ATM: variants seen among roughly 807,000 people sequenced by gnomAD.
ATM encodes the protein ATM serine/threonine kinase, also known as serine-protein kinase ATM.
A neutral mutation model predicts 387.0 loss-of-function variants in ATM; 308 were observed. The observed-to-expected ratio is 0.80, with a 90% CI of 0.73 to 0.87. The LOEUF is 0.87. Ranked by LOEUF, ATM falls within the 40% of genes least tolerant of loss-of-function variation. ATM has a pLI of 0.00. For missense variants in ATM, 3,312 were observed against 3,560.9 expected (o/e 0.93, Z 1.78); for synonymous variants, 1,156 against 1,187.3 (o/e 0.97, Z 0.54).
At chr11:108,354,942 G>GTCT in intron 61 of ATM, 68 bp downstream of exon 61, 1 of 1,292,408 alleles carries the variant, frequency 7.7e-7, no homozygotes, top group Non-Finnish European at 1.1e-6. Context: ...TCATCAGGAA[G>GTCT]TCACTGATGT....
At chr11:108,335,324 C>A (rs1170660147) in intron 55 of ATM, 1 of 1,432,366 alleles carries the variant, frequency 7.0e-7, no homozygotes, top group Non-Finnish European at 9.3e-7. Context: ...ATGGTTGATT[C>A]AAGTAAAAGA....
chr11:108,327,280 CT>C (rs200893749), intron 47 of ATM: 1 of 274,174 alleles, frequency 3.6e-6, no homozygotes, highest in East Asian at 9.2e-5. Flanking sequence ...AGTTACCCAA[CT>C]TCCTTGTACC....
chr11:108,326,040 A>G lies in ATM; in HGVS notation c.6808-18A>G. On this transcript the variant is annotated intron_variant, in intron 46 of 62. Coordinates refer to ENST00000675843, the MANE Select transcript of ATM (RefSeq NM_000051.4). ...CAGTAGTAAAAGTATTTATTCCCAT[A>G]TGTCATTTTCATTTCAGCTCCCTGA... 6.2e-7 allele frequency: 1 copy of G among 1,612,484 alleles called. No homozygotes were observed. Among genetic ancestry groups the G allele is most frequent in the Non-Finnish European group, 8.5e-7 (1 of 1,178,652 alleles).
rs184435728 is a variant in ATM at position 108,272,393 on chromosome 11, T to G, written c.3078-139T>G. 184 of 734,776 alleles carry G rather than the reference T, an allele frequency of 2.5e-4. 1 individual carries two copies. In the African/African-American group the frequency reaches 2.8e-3, roughly 11 times the overall value. 45.5% of individuals were successfully genotyped at this position (734,776 alleles called of 1,614,324 possible). On this transcript the variant is annotated intron_variant, in intron 20 of 62. Coordinates refer to ENST00000675843, the MANE Select transcript of ATM (RefSeq NM_000051.4). ...TTGAATTTTTGGCAAGGTGAGTATG[T>G]TGGCATATTCCACATAATGACAAAT... is the stretch of plus-strand genomic sequence containing the variant.
intron 22 of ATM, among the ~76,000 whole-genome samples, chr11:108,275,625 T>C (rs1206619549): frequency 6.6e-6 from 1 of 152,246 alleles, no homozygotes; most frequent in Non-Finnish European, 1.5e-5. Flanking sequence ...TTATGAAGCT[T>C]AGTTTGGCTG....
chr11:108,274,376 A>T (rs1342084587), intron 22 of ATM, among the ~76,000 whole-genome samples: 6 of 151,862 alleles, frequency 4.0e-5, no homozygotes, highest in African/African-American at 1.5e-4. Flanking sequence ...TCCTTCACTC[A>T]GCTCTGATCT....
At chr11:108,319,930 T>G in intron 43 of ATM, 24 bp from the exon 44 acceptor site, 1 of 1,536,422 alleles carries the variant, frequency 6.5e-7, no homozygotes, top group Non-Finnish European at 9.0e-7. Context: ...TTAAGTATAT[T>G]TTTTTCTTTG....
chr11:108,314,454 ATT>A lies in ATM; in HGVS notation c.6007-1357_6007-1356del, dbSNP rs10716099. On this transcript the variant is annotated intron_variant, in intron 40 of 62. Coordinates refer to ENST00000675843, the MANE Select transcript of ATM (RefSeq NM_000051.4). Reference sequence around the variant, plus strand: ...AAGATTGTTTGGTTTTGTTTGTGTGATTTTTTTTTTTTTATGTGATATAAGCC... The same window carrying A: ...AAGATTGTTTGGTTTTGTTTGTGTGATTTTTTTTTTTATGTGATATAAGCC... 5.7e-3 allele frequency among the ~76,000 whole-genome samples: 851 copies of A among 148,408 alleles called. 19 individuals carry two copies. The highest frequency in any genetic ancestry group is 5.2e-3 in the African/African-American group (210 of 40,358).
At chr11:108,349,368 T>A (rs544058562) in intron 59 of ATM, among the ~76,000 whole-genome samples, 1 of 151,242 alleles carries the variant, frequency 6.6e-6, no homozygotes, top group Admixed American at 6.6e-5. Context: ...ATGTGTAGAT[T>A]AAGAATGTGG....
chr11:108,256,218 A>AC lies in ATM; in HGVS notation c.2129dup (p.Asn711LysfsTer27), dbSNP rs2080472545. 1 of 1,603,762 alleles carries AC rather than the reference A, an allele frequency of 6.2e-7. No individual in the cohort carries two copies. The highest frequency in any genetic ancestry group is 8.5e-7 in the Non-Finnish European group (1 of 1,173,580). Reference sequence around the variant, plus strand: ...TTTATTTGTGGTTTACTTTAAGATTACAAATTCAGAAACTCTTGTCCGGTG... The same window carrying AC: ...TTTATTTGTGGTTTACTTTAAGATTACCAAATTCAGAAACTCTTGTCCGGTG... On this transcript the variant is annotated frameshift_variant, in exon 14 of 63. Coordinates refer to ENST00000675843, the MANE Select transcript of ATM (RefSeq NM_000051.4). LOFTEE classifies it high-confidence loss of function.
rs1057523056 is a variant in ATM at position 108,329,038 on chromosome 11, A to G, written c.7107A>G (p.Gly2369=). The stretch of plus-strand genomic sequence containing the variant: ...TCTTGAAGGCAGTAGAAGTTGCTGG[A>G]AATTATGATGGAGAAAGTAGTGATG... The part of the protein sequence containing the change: ...TYLEKAVEVA[G]NYDGESSDEL... The change falls in exon 49 of 63, where the codon GGA becomes GGG. Residue 2369 remains glycine (G), a synonymous_variant. Coordinates refer to ENST00000675843, the MANE Select transcript of ATM (RefSeq NM_000051.4). 1.2e-6 allele frequency: 2 copies of G among 1,614,092 alleles called. No homozygotes were observed. The highest frequency in any genetic ancestry group is 1.7e-6 in the Non-Finnish European group (2 of 1,179,976).
At chr11:108,238,261 A>T (rs920645362) in intron 5 of ATM, among the ~76,000 whole-genome samples, 3 of 151,804 alleles carry the variant, frequency 2.0e-5, no homozygotes, top group African/African-American at 7.3e-5. Flanking sequence ...TTAGTGTTTT[A>T]TAATTGTCAG....
chr11:108,260,519 T>C (rs900156963), intron 16 of ATM, among the ~76,000 whole-genome samples: 1 of 152,232 alleles, frequency 6.6e-6, no homozygotes, highest in African/African-American at 2.4e-5. Context: ...TTTTGATGGA[T>C]ATTGTCATTG....
chr11:108,327,978 TCCTC>T (rs1275285267), intron 48 of ATM, among the ~76,000 whole-genome samples: 1 of 152,196 alleles, frequency 6.6e-6, no homozygotes, highest in African/African-American at 2.4e-5. Context: ...TATCTCTTCT[TCCTC>T]CTTCCTACCT....
Position 108,244,059 on chromosome 11 carries a change from G to C in ATM, c.603G>C (p.Gln201His), listed in dbSNP as rs2135225401. Reference sequence around the variant, plus strand: ...CTGTTACCAAAGGATGCTGTTCTCAGACTGACGGATTAAATTCCAAATTTT... The same window carrying C: ...CTGTTACCAAAGGATGCTGTTCTCACACTGACGGATTAAATTCCAAATTTT... ...IHAVTKGCCS[Q>H]TDGLNSKFLD... Residue 201 changes from glutamine to histidine, a missense_variant, in exon 6 of 63, where the codon CAG (glutamine) becomes CAC (histidine). Coordinates refer to ENST00000675843, the MANE Select transcript of ATM (RefSeq NM_000051.4). 1 of 1,613,706 alleles carries C rather than the reference G, an allele frequency of 6.2e-7. No homozygotes were observed. The highest frequency in any genetic ancestry group is 1.1e-5 in the South Asian group (1 of 91,070).
intron 5 of ATM, among the ~76,000 whole-genome samples, chr11:108,236,861 A>G (rs922265699): frequency 1.3e-5 from 2 of 152,216 alleles, no homozygotes; most frequent in Non-Finnish European, 2.9e-5. Context: ...GTTGGTTTCA[A>G]AGATGGAGCA....
intron 61 of ATM, among the ~76,000 whole-genome samples, chr11:108,360,094 T>TA (rs1373096539): frequency 6.6e-6 from 1 of 150,814 alleles, no homozygotes; most frequent in African/African-American, 2.4e-5. Flanking sequence ...ATAGACACAA[T>TA]AAAAAATGAT....
At chr11:108,339,692 A>G (rs961711623) in intron 56 of ATM, among the ~76,000 whole-genome samples, 4 of 152,130 alleles carry the variant, frequency 2.6e-5, no homozygotes, top group Admixed American at 2.6e-4. Flanking sequence ...AAGCCAACCC[A>G]TTCCTTTCTG....
chr11:108,367,469 CATATA>C lies in ATM; in HGVS notation c.*1963_*1967del, dbSNP rs921101799. The C allele has an allele frequency of 1.5e-5, 3 of 203,214 alleles. No individual in the cohort carries two copies. Among genetic ancestry groups the C allele is most frequent in the Admixed American group, 1.2e-4 (2 of 16,708 alleles). 12.6% of individuals were successfully genotyped at this position (203,214 alleles called of 1,614,324 possible). A position where few individuals can be genotyped will look rare whatever the true frequency, so the allele number is the denominator to read the frequency against. On this transcript the variant is annotated 3_prime_UTR_variant, in exon 63 of 63. Coordinates refer to ENST00000675843, the MANE Select transcript of ATM (RefSeq NM_000051.4). ...CATTTCTCTGTCCCCCAGCTGTCAT[CATATA>C]AGATAAACATCAGATAAAAAGCCAC...
Sources: allele counts gnomAD v4.1 joint callset (sites outside exome capture counted in the v4.1 genomes callset), GRCh38; gene constraint gnomAD v4.1.1; transcripts MANE v1.5; gene names NCBI Gene and HGNC (gene_info 2026-07-23, HGNC 2026-07-21).